The following WDR72 variants were observed in gnomAD, a reference collection of about 807,000 sequenced individuals.
WDR72 encodes the protein WD repeat domain 72, also known as WD repeat-containing protein 72.
Under a neutral mutation model 124.2 loss-of-function variants are expected in WDR72, and 120 were observed. That is an observed-to-expected ratio of 0.97 (90% CI 0.83 to 1.12). The LOEUF (loss-of-function observed/expected upper bound fraction) is 1.12. Ranked by LOEUF, WDR72 falls within the 50% of genes most tolerant of loss-of-function variation. WDR72 has a pLI of 0.00. For synonymous variants in WDR72, 452 were observed against 441.7 expected (o/e 1.02, Z -0.29); for missense variants, 1,387 against 1,278.8 (o/e 1.08, Z -1.29).
At chr15:53,749,076 G>A (rs1434104024) in intron 1 of WDR72, among the ~76,000 whole-genome samples, 1 of 152,132 alleles carries the variant, frequency 6.6e-6, no homozygotes, top group Non-Finnish European at 1.5e-5. Context: ...AGTGTCCAGG[G>A]AGGGAGCACA....
intron 14 of WDR72, among the ~76,000 whole-genome samples, chr15:53,647,820 C>A (rs1451019630): frequency 6.6e-6 from 1 of 152,040 alleles, no homozygotes; most frequent in Non-Finnish European, 1.5e-5. Context: ...AAATTGATAT[C>A]AATATATACA....
At chr15:53,704,254 C>G (rs774851998) in intron 11 of WDR72, among the ~76,000 whole-genome samples, 5 of 152,250 alleles carry the variant, frequency 3.3e-5, no homozygotes, top group African/African-American at 9.6e-5. Flanking sequence ...TTAAAGTCAG[C>G]TCATAAAGAA....
intron 1 of WDR72, among the ~76,000 whole-genome samples, chr15:53,734,320 A>T (rs2018288124): frequency 6.6e-6 from 1 of 152,136 alleles, no homozygotes; most frequent in Non-Finnish European, 1.5e-5. Context: ...GCATTATTCT[A>T]ACTGCCATGT....
intron 13 of WDR72, among the ~76,000 whole-genome samples, chr15:53,690,574 G>C (rs2016806203): frequency 6.6e-6 from 1 of 152,128 alleles, no homozygotes; most frequent in African/African-American, 2.4e-5. Context: ...CTTTCACTTA[G>C]CATGTTTTCA....
intron 18 of WDR72, among the ~76,000 whole-genome samples, chr15:53,591,572 T>C (rs1293446641): frequency 1.3e-5 from 2 of 151,988 alleles, no homozygotes; most frequent in Non-Finnish European, 2.9e-5. Flanking sequence ...TTATAAATGC[T>C]TGTACACGCT....
At chr15:53,652,356 G>A (rs1167722164) in intron 14 of WDR72, among the ~76,000 whole-genome samples, 1 of 152,106 alleles carries the variant, frequency 6.6e-6, no homozygotes, top group African/African-American at 2.4e-5. Context: ...AGCATTTAAT[G>A]TCATACATGT....
At chr15:53,543,820 C>T (rs944682517) in intron 18 of WDR72, among the ~76,000 whole-genome samples, 3 of 152,048 alleles carry the variant, frequency 2.0e-5, no homozygotes, top group African/African-American at 4.8e-5. Flanking sequence ...ATGTCACCAC[C>T]GATCCCACAG....
At position 53,672,011 on chromosome 15, in the gene WDR72, G is replaced by A. The variant is rs938052539; in HGVS notation, c.1766-6243C>T. Among the ~76,000 whole-genome samples, 13 of 151,996 alleles carry A rather than the reference G, an allele frequency of 8.6e-5. No homozygotes were observed. In the South Asian group the frequency reaches 2.1e-3, roughly 24 times the overall value. ...AGGGAGAGAGCGAGAGAGAGAGAGAGCACTTACAACTTTCTAGTTTTGTTT... is the reference window on the plus strand; with the variant it reads ...AGGGAGAGAGCGAGAGAGAGAGAGAACACTTACAACTTTCTAGTTTTGTTT... On this transcript the variant is annotated intron_variant, in intron 13 of 19. Transcript: ENST00000360509.
intron 19 of WDR72, among the ~76,000 whole-genome samples, chr15:53,520,772 GAA>G (rs1595723856): frequency 1.3e-5 from 2 of 151,966 alleles, no homozygotes; most frequent in African/African-American, 4.8e-5. Context: ...TTTGAAAAGT[GAA>G]AAGTCATATT....
Position 53,584,968 on chromosome 15 carries a change from G to C in WDR72, c.3148+12111C>G, listed in dbSNP as rs372985426. Among the ~76,000 whole-genome samples, 124 of 152,040 alleles carry C rather than the reference G, an allele frequency of 8.2e-4. 4 individuals carry two copies. In the South Asian group the frequency reaches 0.024, roughly 30 times the overall value. ...GGAAGTAACACCTGTGAAAGAAAAA[G>C]GGCAAAAGCAGGGTTGCGTAAATTG... On this transcript the variant is annotated intron_variant, in intron 18 of 19. Coordinates refer to ENST00000360509, the MANE Select transcript of WDR72 (RefSeq NM_182758.4).
chr15:53,661,945 T>A (rs1480809123), intron 14 of WDR72, among the ~76,000 whole-genome samples: 1 of 152,008 alleles, frequency 6.6e-6, no homozygotes, highest in Non-Finnish European at 1.5e-5. Flanking sequence ...CAAATAATAA[T>A]CCACTTTACC....
chr15:53,639,819 A>C (rs1018059309), intron 14 of WDR72, among the ~76,000 whole-genome samples: 25 of 152,096 alleles, frequency 1.6e-4, no homozygotes, highest in African/African-American at 5.3e-4. Context: ...CTAAACCTTT[A>C]ATAATCTGCC....
chr15:53,614,006 C>A (rs1203521015), intron 15 of WDR72, among the ~76,000 whole-genome samples: 1 of 152,028 alleles, frequency 6.6e-6, no homozygotes, highest in Non-Finnish European at 1.5e-5. Context: ...ACCTGCACAT[C>A]TTAGTTTGCC....
intron 18 of WDR72, among the ~76,000 whole-genome samples, chr15:53,591,685 A>AACACACAC (rs67873847): frequency 9.1e-4 from 135 of 149,016 alleles, no homozygotes; most frequent in Non-Finnish European, 1.2e-3. Flanking sequence ...CAACACACAC[A>AACACACAC]ACACACACAC....
intron 14 of WDR72, among the ~76,000 whole-genome samples, chr15:53,625,978 G>A (rs998268523): frequency 6.6e-6 from 1 of 152,146 alleles, no homozygotes; most frequent in African/African-American, 2.4e-5. Context: ...GCTTTTGAAG[G>A]TAGAAACGTA....
At chr15:53,728,687 C>T (rs1277656497) in intron 2 of WDR72, among the ~76,000 whole-genome samples, 1 of 152,130 alleles carries the variant, frequency 6.6e-6, no homozygotes, top group Non-Finnish European at 1.5e-5. Context: ...AGGATATTCA[C>T]CACACCTTTC....
At chr15:53,551,574 A>T (rs1305874626) in intron 18 of WDR72, among the ~76,000 whole-genome samples, 1 of 152,178 alleles carries the variant, frequency 6.6e-6, no homozygotes, top group East Asian at 1.9e-4. Context: ...GGAGACATTT[A>T]TCACCATGAA....
At chr15:53,712,666 A>G in intron 7 of WDR72, 106 bp downstream of exon 7, 1 of 1,156,882 alleles carries the variant, frequency 8.6e-7, no homozygotes, top group Non-Finnish European at 1.2e-6. Flanking sequence ...TGGTAATACT[A>G]TTACAGAGAA....
intron 6 of WDR72, among the ~76,000 whole-genome samples, chr15:53,713,794 A>G (rs1217860773): frequency 1.2e-4 from 19 of 152,158 alleles, no homozygotes; most frequent in Admixed American, 1.2e-3. Context: ...AAAAATGAAC[A>G]AAGTGCCAAC....
Sources: allele counts gnomAD v4.1 joint callset (sites outside exome capture counted in the v4.1 genomes callset), GRCh38; gene constraint gnomAD v4.1.1; transcripts MANE v1.5; gene names NCBI Gene and HGNC (gene_info 2026-07-23, HGNC 2026-07-21).